Variants in FARP1 observed in about 807,000 individuals in gnomAD.
FARP1 encodes FERM, ARHGEF and pleckstrin domain-containing protein 1.
FARP1 carries 52 observed loss-of-function variants against 128.8 expected under a neutral mutation model. The observed-to-expected ratio is 0.40, with a 90% CI of 0.32 to 0.51. The LOEUF (loss-of-function observed/expected upper bound fraction) is 0.51, where lower values mean the gene tolerates loss of function less well. FARP1 is among the 20% of genes least tolerant of loss of function. FARP1 has a pLI of 0.45. For missense variants in FARP1, 1,333 were observed against 1,367.9 expected, an observed-to-expected ratio of 0.97 and a Z score of 0.40; for synonymous variants, 580 against 551.8, an observed-to-expected ratio of 1.05 and a Z score of -0.72.
intron 2 of FARP1, among the ~76,000 whole-genome samples, chr13:98,250,063 A>G (rs1883248972): frequency 1.3e-5 from 2 of 152,238 alleles, no homozygotes. Flanking sequence ...ATGTATGAGA[A>G]AATACATCGC....
In FARP1 at chr13:98,200,392, C is replaced by CCG. The variant is rs1566732533; in HGVS notation, c.-23-12827_-23-12826insGC. On this transcript the variant is annotated intron_variant, in intron 1 of 26. Coordinates refer to ENST00000319562, the MANE Select transcript of FARP1 (RefSeq NM_005766.4). ...TCACCTGGAATGCAACCTTCACCCC[C>CCG]CCCCCCTCCCCTTTGTGATTCAGTG... 2.1e-4 allele frequency among the ~76,000 whole-genome samples: 30 copies of CCG among 144,174 alleles called. 1 individual carries two copies. Among genetic ancestry groups the CCG allele is most frequent in the Non-Finnish European group, 1.1e-4 (7 of 65,734 alleles). The allele number at this position is 144,174 out of a possible 152,430, so 94.6% of individuals were successfully genotyped here.
chr13:98,143,202 C>T lies in FARP1; in HGVS notation c.-314C>T, dbSNP rs1314012593. On this transcript the variant is annotated 5_prime_UTR_variant, in exon 1 of 27. Coordinates refer to ENST00000319562, the MANE Select transcript of FARP1 (RefSeq NM_005766.4). ...GACGCGGCCGCTGCCCGCTTTGCGCCGCTCCTCCCTGCGCGAGTAGCGCTG... is the reference window on the plus strand; with the variant it reads ...GACGCGGCCGCTGCCCGCTTTGCGCTGCTCCTCCCTGCGCGAGTAGCGCTG... 1.3e-5 allele frequency: 2 copies of T among 148,596 alleles called. No individual in the cohort carries two copies. Among genetic ancestry groups the T allele is most frequent in the Non-Finnish European group, 3.0e-5 (2 of 66,620 alleles). 9.2% of individuals were successfully genotyped at this position (148,596 alleles called of 1,614,324 possible).
At chr13:98,389,584 C>A in intron 9 of FARP1, 1 of 169,358 alleles carries the variant, frequency 5.9e-6, no homozygotes, top group Non-Finnish European at 1.3e-5. Flanking sequence ...ATGAACGTTG[C>A]GTTTCAGTGA....
chr13:98,209,403 G>A (rs1018997875), intron 1 of FARP1, among the ~76,000 whole-genome samples: 4 of 151,856 alleles, frequency 2.6e-5, no homozygotes, highest in Admixed American at 2.0e-4. Context: ...AGACCTGGAG[G>A]CAGACAGAGG....
intron 1 of FARP1, among the ~76,000 whole-genome samples, chr13:98,186,045 A>G (rs1363482827): frequency 2.0e-5 from 3 of 152,074 alleles, no homozygotes; most frequent in South Asian, 4.1e-4. Flanking sequence ...AGTGGTATTC[A>G]GTGCACTCAC....
intron 1 of FARP1, among the ~76,000 whole-genome samples, chr13:98,195,267 C>T (rs924034573): frequency 6.6e-6 from 1 of 152,112 alleles, no homozygotes; most frequent in Non-Finnish European, 1.5e-5. Flanking sequence ...GTCCTTTTTC[C>T]CTTTTGTGGT....
chr13:98,193,302 C>T (rs1488261477), intron 1 of FARP1, among the ~76,000 whole-genome samples: 11 of 152,106 alleles, frequency 7.2e-5, no homozygotes, highest in Admixed American at 1.3e-4. Context: ...GTGATCCACC[C>T]GCCTCGGCCT....
At chr13:98,210,674 C>T (rs1411836272) in intron 1 of FARP1, among the ~76,000 whole-genome samples, 2 of 152,084 alleles carry the variant, frequency 1.3e-5, no homozygotes, top group South Asian at 2.1e-4. Context: ...CTCAGCCTCC[C>T]GAGTAGCTGG....
intron 3 of FARP1, among the ~76,000 whole-genome samples, chr13:98,356,029 T>C (rs969798703): frequency 1.3e-5 from 2 of 152,204 alleles, no homozygotes; most frequent in African/African-American, 4.8e-5. Flanking sequence ...CGAATATGTC[T>C]TATGTTGGCA....
intron 1 of FARP1, among the ~76,000 whole-genome samples, chr13:98,160,937 C>T (rs1876838143): frequency 6.6e-6 from 1 of 152,106 alleles, no homozygotes; most frequent in Non-Finnish European, 1.5e-5. Flanking sequence ...CTTAACCTCC[C>T]AAAGTGCCGG....
chr13:98,286,813 T>A (rs953416192), intron 2 of FARP1, among the ~76,000 whole-genome samples: 1 of 152,228 alleles, frequency 6.6e-6, no homozygotes, highest in African/African-American at 2.4e-5. Flanking sequence ...AGAAATTAGC[T>A]TTTATAAATA....
chr13:98,231,164 G>C (rs147890913), intron 2 of FARP1, among the ~76,000 whole-genome samples: 1 of 152,116 alleles, frequency 6.6e-6, no homozygotes, highest in Non-Finnish European at 1.5e-5. Flanking sequence ...CATATCAGCA[G>C]GGAATGGTTT....
Position 98,439,124 on chromosome 13 carries a change from A to G in FARP1, c.2361A>G (p.Leu787=), listed in dbSNP as rs1892416005. 6.2e-7 allele frequency: 1 copy of G among 1,613,874 alleles called. No homozygotes were observed. Among genetic ancestry groups the G allele is most frequent in the Non-Finnish European group, 8.5e-7 (1 of 1,179,866 alleles). ...TCCTCCAGTTCAACGACGTCCTGCT[A>G]TACACGAGCCGGGGGCTGACGGCCT... ...RMFFLFNDVL[L]YTSRGLTASN... is the part of the protein sequence containing the mutation. The change falls in exon 21 of 27, where the codon CTA becomes CTG. Residue 787 remains leucine (L), a synonymous_variant. Coordinates refer to ENST00000319562, the MANE Select transcript of FARP1 (RefSeq NM_005766.4).
rs111401490 is a variant in FARP1, at chr13:98,272,026, AT to A, written c.171+58622del. 4.8e-3 allele frequency among the ~76,000 whole-genome samples: 733 copies of A among 151,136 alleles called. 4 individuals carry two copies. The highest frequency in any genetic ancestry group is 5.0e-3 in the Non-Finnish European group (341 of 67,742). ...GAATCGCCATACTGTCTCAAAATAC[AT>A]TTTTTTTTCTTTTTCTTTTTGAGGT... On this transcript the variant is annotated intron_variant, in intron 2 of 26. Coordinates refer to ENST00000319562, the MANE Select transcript of FARP1 (RefSeq NM_005766.4).
chr13:98,335,807 T>C (rs1332822796), intron 2 of FARP1, among the ~76,000 whole-genome samples: 1 of 152,180 alleles, frequency 6.6e-6, no homozygotes, highest in Non-Finnish European at 1.5e-5. Context: ...TGGTGGGTTA[T>C]AGGATTTTGA....
chr13:98,191,206 G>A (rs1227836093), intron 1 of FARP1, among the ~76,000 whole-genome samples: 2 of 152,164 alleles, frequency 1.3e-5, no homozygotes, highest in Non-Finnish European at 2.9e-5. Flanking sequence ...GCTTCAACCT[G>A]TAGAACCCTT....
chr13:98,337,584 T>C, intron 2 of FARP1, among the ~76,000 whole-genome samples: 1 of 148,256 alleles, frequency 6.7e-6, no homozygotes, highest in Non-Finnish European at 1.5e-5. Context: ...TGTGTGTGTG[T>C]GTGTTTTGAA....
chr13:98,345,296 G>A (rs1023694893), intron 3 of FARP1, among the ~76,000 whole-genome samples: 4 of 152,104 alleles, frequency 2.6e-5, no homozygotes, highest in South Asian at 2.1e-4. Context: ...ACCAGAAATC[G>A]GCAGCAGTGT....
chr13:98,436,946 T>C (rs780259347), intron 19 of FARP1, among the ~76,000 whole-genome samples: 31 of 152,290 alleles, frequency 2.0e-4, no homozygotes, highest in Admixed American at 1.2e-3. Context: ...TCCACTGCAA[T>C]GGAAAGAACC....
Sources: allele counts gnomAD v4.1 joint callset (sites outside exome capture counted in the v4.1 genomes callset), GRCh38; gene constraint gnomAD v4.1.1; transcripts MANE v1.5; gene names NCBI Gene and HGNC (gene_info 2026-07-23, HGNC 2026-07-21).